Variants in NRDC observed in about 807,000 individuals in gnomAD.
The protein encoded by NRDC is nardilysin.
In NRDC, 54 loss-of-function variants were observed where a neutral mutation model predicts 147.1. The observed-to-expected ratio is 0.37, with a 90% CI of 0.29 to 0.46. NRDC has a LOEUF of 0.46. NRDC is among the 20% of genes least tolerant of loss of function. NRDC has a pLI of 1.00. For missense variants in NRDC, 1,082 were observed against 1,370.6 expected (o/e 0.79, Z 3.33); for synonymous variants, 440 against 482.1 (o/e 0.91, Z 1.14).
At chr1:51,792,013 A>T in intron 26 of NRDC, 33 bp downstream of exon 26, 1 of 1,612,936 alleles carries the variant, frequency 6.2e-7, no homozygotes, top group Non-Finnish European at 8.5e-7. Context: ...CTAGGCCCTT[A>T]TTTGAGCTCA....
chr1:51,807,386 A>G (rs944723869), intron 17 of NRDC, among the ~76,000 whole-genome samples: 3 of 152,218 alleles, frequency 2.0e-5, no homozygotes, highest in Non-Finnish European at 4.4e-5. Flanking sequence ...AATTTTTAAA[A>G]TTTGAGTACT....
At chr1:51,847,377 C>T (rs889950250) in intron 1 of NRDC, among the ~76,000 whole-genome samples, 3 of 152,364 alleles carry the variant, frequency 2.0e-5, no homozygotes, top group East Asian at 1.9e-4. Flanking sequence ...GCCTTGCGCC[C>T]GCACTCCTCA....
At chr1:51,792,641 T>C (rs140295672) in intron 24 of NRDC, among the ~76,000 whole-genome samples, 3 of 152,292 alleles carry the variant, frequency 2.0e-5, no homozygotes, top group Non-Finnish European at 4.4e-5. Flanking sequence ...CTCCCGGCAC[T>C]AGCATAGAAT....
intron 1 of NRDC, among the ~76,000 whole-genome samples, chr1:51,843,027 G>A (rs1681347346): frequency 8.1e-6 from 1 of 122,752 alleles, no homozygotes; most frequent in African/African-American, 3.1e-5. Context: ...TCATGCCACT[G>A]CACTCCAGCC....
chr1:51,834,721 G>A (rs570031444), intron 3 of NRDC, among the ~76,000 whole-genome samples: 9 of 151,352 alleles, frequency 5.9e-5, no homozygotes, highest in African/African-American at 1.9e-4. Context: ...AAGATAAGAC[G>A]AACATATAAC....
intron 14 of NRDC, 62 bp from the exon 15 acceptor site, chr1:51,812,160 A>G (rs1177267250): frequency 9.0e-7 from 1 of 1,111,530 alleles, no homozygotes; most frequent in Non-Finnish European, 1.4e-6. Flanking sequence ...ATTTACCACA[A>G]CATACAAATA....
At chr1:51,811,396 G>A (rs1423880664) in intron 15 of NRDC, among the ~76,000 whole-genome samples, 1 of 152,086 alleles carries the variant, frequency 6.6e-6, no homozygotes, top group Admixed American at 6.6e-5. Context: ...GCCCCACCCT[G>A]AGTTGTGACA....
chr1:51,831,726 G>A (rs957579988), intron 4 of NRDC, among the ~76,000 whole-genome samples: 5 of 151,276 alleles, frequency 3.3e-5, no homozygotes, highest in African/African-American at 7.3e-5. Context: ...TTACAGGCCT[G>A]CGCCACCACA....
Position 51,837,545 on chromosome 1 carries a change from A to T in NRDC, c.631-1333T>A. 1.9e-6 allele frequency: 3 copies of T among 1,593,950 alleles called. No individual in the cohort carries two copies. The South Asian group carries it at 3.4e-5, about 18-fold the overall frequency. On this transcript the variant is annotated intron_variant, in intron 2 of 30. Coordinates refer to ENST00000352171, the MANE Select transcript of NRDC (RefSeq NM_001101662.2). ...CTTGTCTCGACCAGCAGGGTTGAAG[A>T]CATTTTTGAATAAGTTGACTTAAAC...
At chr1:51,792,487 C>A in intron 24 of NRDC, 63 bp from the exon 25 acceptor site, 2 of 1,519,456 alleles carry the variant, frequency 1.3e-6, no homozygotes, top group South Asian at 1.1e-5. Flanking sequence ...TTTAAATAAT[C>A]CAGCTATTCT....
chr1:51,821,580 G>T, intron 7 of NRDC, 25 bp from the exon 8 acceptor site: 1 of 1,523,214 alleles, frequency 6.6e-7, no homozygotes, highest in Non-Finnish European at 9.1e-7. Context: ...GCAGGGAAGA[G>T]ACAGGAAAAT....
chr1:51,790,414 G>T, intron 29 of NRDC, 119 bp downstream of exon 29: 1 of 738,152 alleles, frequency 1.4e-6, no homozygotes, highest in Non-Finnish European at 2.4e-6. Flanking sequence ...GAGTAATCAG[G>T]CCAGGACTAG....
intron 14 of NRDC, among the ~76,000 whole-genome samples, chr1:51,813,711 T>C (rs530612423): frequency 2.0e-5 from 3 of 152,172 alleles, no homozygotes; most frequent in Non-Finnish European, 2.9e-5. Context: ...TTCACAATAT[T>C]TGAATTCCCA....
intron 1 of NRDC, among the ~76,000 whole-genome samples, chr1:51,869,717 T>C (rs553068536): frequency 6.6e-6 from 1 of 152,362 alleles, no homozygotes; most frequent in South Asian, 2.1e-4. Flanking sequence ...AAGCCAGCTT[T>C]ATTCATGGCC....
intron 2 of NRDC, among the ~76,000 whole-genome samples, chr1:51,838,706 A>C (rs1557921536): frequency 6.6e-6 from 1 of 152,164 alleles, no homozygotes. Context: ...AGTAGAACCC[A>C]GGTTTCCTGA....
chr1:51,798,295 G>A lies in NRDC; in HGVS notation c.2558C>T (p.Ser853Phe). The change falls in exon 22 of 31, where the codon TCC (serine) becomes TTC (phenylalanine). Residue 853 changes from serine (S) to phenylalanine (F), a missense_variant. Transcript: ENST00000352171. ...SLLSFVKEFK[S>F]QLFVEGLVQG... The stretch of plus-strand genomic sequence containing the variant: ...TACCAGGCCCTCCACAAAGAGCTGG[G>A]ATTTGAATTCTTTGACGAAGCTCAG... 1 of 1,614,122 alleles carries A rather than the reference G, an allele frequency of 6.2e-7. No individual in the cohort carries two copies. Among genetic ancestry groups the A allele is most frequent in the South Asian group, 1.1e-5 (1 of 91,084 alleles).
intron 22 of NRDC, among the ~76,000 whole-genome samples, chr1:51,797,759 C>T (rs1678997136): frequency 6.6e-6 from 1 of 152,082 alleles, no homozygotes; most frequent in African/African-American, 2.4e-5. Flanking sequence ...ATCTATTTTT[C>T]TCTCTCTCTT....
intron 4 of NRDC, among the ~76,000 whole-genome samples, chr1:51,830,068 G>A (rs1189346170): frequency 1.7e-4 from 25 of 149,564 alleles, no homozygotes; most frequent in Admixed American, 6.7e-5. Flanking sequence ...ACGTTCAAGC[G>A]ATTCTCCTGC....
chr1:51,807,069 G>A (rs913226453), intron 17 of NRDC, among the ~76,000 whole-genome samples, 156 bp from the exon 18 acceptor site: 2 of 152,036 alleles, frequency 1.3e-5, no homozygotes, highest in East Asian at 3.9e-4. Context: ...CAATACCAAA[G>A]GGAAAACTAT....
Sources: allele counts gnomAD v4.1 joint callset (sites outside exome capture counted in the v4.1 genomes callset), GRCh38; gene constraint gnomAD v4.1.1; transcripts MANE v1.5; gene names NCBI Gene and HGNC (gene_info 2026-07-23, HGNC 2026-07-21).